NHS: variants seen among roughly 807,000 people sequenced by gnomAD.
The protein encoded by NHS is NHS actin remodeling regulator.
A neutral mutation model predicts 72.5 loss-of-function variants in NHS; 5 were observed. That is an observed-to-expected ratio of 0.07 (90% confidence interval 0.04 to 0.14). NHS has a LOEUF of 0.14. NHS is among the 10% of genes least tolerant of loss of function. The pLI is 1.00. For missense variants in NHS, 1,072 were observed against 1,355.7 expected, an observed-to-expected ratio of 0.79 and a Z score of 3.29; for synonymous variants, 464 against 547.7, an observed-to-expected ratio of 0.85 and a Z score of 2.13.
intron 1 of NHS, among the ~76,000 whole-genome samples, chrX:17,380,169 G>A (rs1053436211): frequency 3.6e-5 from 4 of 111,707 alleles, no homozygotes; most frequent in Non-Finnish European, 5.6e-5. Flanking sequence ...CAAGCCAGGA[G>A]ATGTTTCCAG....
In NHS at chrX:17,375,984, CGCCG is replaced by C. The variant is rs1259780208; in HGVS notation, c.232_235del (p.Ala78ThrfsTer117). On this transcript the variant is annotated frameshift_variant, in exon 1 of 9. Transcript: ENST00000676302. LOFTEE classifies it high-confidence loss of function. ...CCACCGCCGCCGCCGCCACTGCCCGCGCCGGCCGACCAGACTCAGCCGCCGCACG... is the reference window on the plus strand; with the variant it reads ...CCACCGCCGCCGCCGCCACTGCCCGCGCCGACCAGACTCAGCCGCCGCACG... 1 of 1,075,608 alleles carries C rather than the reference CGCCG, an allele frequency of 9.3e-7. No homozygotes were observed. Among genetic ancestry groups the C allele is most frequent in the African/African-American group, 1.9e-5 (1 of 51,398 alleles). The allele number at this position is 1,075,608 out of a possible 1,213,427, so 88.6% of individuals were successfully genotyped here.
At chrX:17,661,580 G>T (rs1257442109) in intron 1 of NHS, among the ~76,000 whole-genome samples, 4 of 111,876 alleles carry the variant, frequency 3.6e-5, no homozygotes, top group Non-Finnish European at 7.5e-5. Context: ...AGGTAGAGCT[G>T]CTCTCCTGCA....
At chrX:17,523,846 C>A (rs1018226834) in intron 1 of NHS, among the ~76,000 whole-genome samples, 6 of 111,738 alleles carry the variant, frequency 5.4e-5, no homozygotes, top group African/African-American at 2.0e-4. Flanking sequence ...TGAACCATGG[C>A]CCGAAGTGGT....
intron 1 of NHS, among the ~76,000 whole-genome samples, chrX:17,682,616 T>G (rs2066136648): frequency 9.0e-6 from 1 of 111,633 alleles, no homozygotes; most frequent in Non-Finnish European, 1.9e-5. Flanking sequence ...TTCTGAAAAT[T>G]TCACCACATG....
At chrX:17,497,789 T>C (rs1353375496) in intron 1 of NHS, among the ~76,000 whole-genome samples, 4 of 112,274 alleles carry the variant, frequency 3.6e-5, no homozygotes, top group Non-Finnish European at 7.5e-5. Context: ...TTAACTGCCC[T>C]GAGGAATGCT....
rs150729548 is a variant in NHS at position 17,535,283 on chromosome X, G to A, written c.566-152459G>A. Among the ~76,000 whole-genome samples, 14 of 111,393 alleles carry A rather than the reference G, an allele frequency of 1.3e-4. No homozygotes were observed. The East Asian group carries it at 3.7e-3, about 29-fold the overall frequency. ...TGCTGGGGTGTGATAGGTGGATCAG[G>A]TGGAACAATGATTTGTTGCATGGGA... On this transcript the variant is annotated intron_variant, in intron 1 of 8. Coordinates refer to ENST00000676302, the MANE Select transcript of NHS (RefSeq NM_001291867.2).
In NHS at chrX:17,635,544, A is replaced by T. The variant is rs1174849608; in HGVS notation, c.566-52198A>T. 6.9e-6 allele frequency: 8 copies of T among 1,166,419 alleles called. No individual in the cohort carries two copies. The Admixed American group carries it at 2.1e-4, about 30-fold the overall frequency. ...GCATAAAAGAAAAGGCCCTTCCTTA[A>T]GGAGCAGAGCGGGAATCCAAGCATG... On this transcript the variant is annotated intron_variant, in intron 1 of 8. Transcript: ENST00000676302.
chrX:17,686,519 A>G (rs762129564), intron 1 of NHS, among the ~76,000 whole-genome samples: 125 of 112,101 alleles, frequency 1.1e-3, no homozygotes, highest in Non-Finnish European at 2.1e-3. Context: ...AAGCCCCTCT[A>G]CTTCTAGGAC....
intron 1 of NHS, among the ~76,000 whole-genome samples, chrX:17,613,139 G>C (rs973389843): frequency 1.8e-5 from 2 of 111,243 alleles, no homozygotes; most frequent in Admixed American, 9.6e-5. Context: ...TTGGGAGGCT[G>C]AGGCAGGTGG....
intron 1 of NHS, among the ~76,000 whole-genome samples, chrX:17,397,062 G>A (rs948318502): frequency 8.9e-6 from 1 of 112,681 alleles, no homozygotes; most frequent in African/African-American, 3.2e-5. Context: ...AAGTTTAAAT[G>A]GAAGGTAGTC....
intron 1 of NHS, among the ~76,000 whole-genome samples, chrX:17,584,462 G>A (rs891741743): frequency 2.7e-5 from 3 of 112,036 alleles, no homozygotes; most frequent in African/African-American, 9.8e-5. Context: ...TCAGTGTCTC[G>A]TGGCAGCTGC....
chrX:17,399,223 T>A (rs968009547), intron 1 of NHS, among the ~76,000 whole-genome samples: 2 of 110,890 alleles, frequency 1.8e-5, no homozygotes, highest in African/African-American at 6.6e-5. Flanking sequence ...TGCCTCAGCC[T>A]CCTGAGTAGC....
At chrX:17,435,827 C>T (rs779795737) in intron 1 of NHS, among the ~76,000 whole-genome samples, 1 of 111,997 alleles carries the variant, frequency 8.9e-6, no homozygotes, top group East Asian at 2.8e-4. Flanking sequence ...TTGTTTCTGC[C>T]TCCTCTTGGG....
At chrX:17,381,918 A>G (rs966815836) in intron 1 of NHS, among the ~76,000 whole-genome samples, 1 of 112,549 alleles carries the variant, frequency 8.9e-6, no homozygotes, top group Admixed American at 9.4e-5. Flanking sequence ...CCACATCCTC[A>G]CTGATATTGG....
At chrX:17,548,967 A>T (rs2065310516) in intron 1 of NHS, among the ~76,000 whole-genome samples, 1 of 107,823 alleles carries the variant, frequency 9.3e-6, no homozygotes, top group Admixed American at 9.9e-5. Flanking sequence ...TTTTTTTAAG[A>T]ACGGGGTTGA....
In NHS at chrX:17,666,491, T is replaced by C. The variant is rs776508748; in HGVS notation, c.566-21251T>C. On this transcript the variant is annotated intron_variant, in intron 1 of 8. Coordinates refer to ENST00000676302, the MANE Select transcript of NHS (RefSeq NM_001291867.2). ...ATCACACTCTTAATATTTTCTCTGT[T>C]CCCATATCCATCTCCTCACCTGGAC... Among the ~76,000 whole-genome samples the C allele has an allele frequency of 1.7e-4, 19 of 112,597 alleles. No homozygotes were observed. The South Asian group carries it at 6.7e-3, about 40-fold the overall frequency.
chrX:17,612,213 G>C (rs1469032707), intron 1 of NHS, among the ~76,000 whole-genome samples: 1 of 108,412 alleles, frequency 9.2e-6, no homozygotes, highest in South Asian at 4.1e-4. Context: ...TTTGGGCAGG[G>C]CCAGACTTAC....
chrX:17,729,827 G>C (rs1367707643), intron 8 of NHS, among the ~76,000 whole-genome samples: 1 of 112,294 alleles, frequency 8.9e-6, no homozygotes, highest in Non-Finnish European at 1.9e-5. Context: ...ACTCCCAAGA[G>C]ATACAACTTG....
intron 6 of NHS, 130 bp from the exon 7 acceptor site, chrX:17,725,217 A>ATTTTT: frequency 1.8e-6 from 1 of 556,542 alleles, no homozygotes. Flanking sequence ...CTATATATTG[A>ATTTTT]TTTTTTTTCT....
Sources: allele counts gnomAD v4.1 joint callset (sites outside exome capture counted in the v4.1 genomes callset), GRCh38; gene constraint gnomAD v4.1.1; transcripts MANE v1.5; gene names NCBI Gene and HGNC (gene_info 2026-07-23, HGNC 2026-07-21).